Variants in COL6A1 observed in about 807,000 individuals in gnomAD.
The protein encoded by COL6A1 is collagen alpha-1(VI) chain.
In COL6A1, 80 loss-of-function variants were observed where a neutral mutation model predicts 145.6. The ratio of observed to expected loss-of-function variants is 0.55; its 90% CI spans 0.46 to 0.66. The LOEUF (loss-of-function observed/expected upper bound fraction) is 0.66. Among genes scored for constraint, COL6A1 ranks in the 30% least tolerant of loss-of-function variants. COL6A1 has a pLI of 0.00. For missense variants in COL6A1, 1,364 were observed against 1,473.8 expected (o/e 0.93, Z 1.22); for synonymous variants, 638 against 622.8 (o/e 1.02, Z -0.36).
intron 8 of COL6A1, 74 bp from the exon 9 acceptor site, chr21:45,989,010 A>G: frequency 6.4e-7 from 1 of 1,565,630 alleles, no homozygotes; most frequent in East Asian, 2.3e-5. Context: ...GCGTCTTTTT[A>G]AAAACCTGTT....
At chr21:45,984,967 G>A (rs778317038) in intron 3 of COL6A1, among the ~76,000 whole-genome samples, 26 of 151,634 alleles carry the variant, frequency 1.7e-4, no homozygotes, top group African/African-American at 2.4e-4. Flanking sequence ...GAGACAGAAA[G>A]AGAGAGAGAC....
chr21:46,000,509 C>T (rs2077837294), intron 28 of COL6A1, 142 bp downstream of exon 28: 1 of 1,188,874 alleles, frequency 8.4e-7, no homozygotes, highest in Non-Finnish European at 1.2e-6. Flanking sequence ...CCAGCCCCTA[C>T]CGGCCTCCAA....
At chr21:45,986,723 C>T (rs1356101785) in intron 4 of COL6A1, 38 bp downstream of exon 4, 5 of 1,538,698 alleles carry the variant, frequency 3.2e-6, no homozygotes, top group Non-Finnish European at 3.5e-6. Flanking sequence ...CCCCCAACCA[C>T]AGGGAGTGGC....
Position 46,001,635 on chromosome 21 carries a change from C to G in COL6A1, c.1956+249C>G, listed in dbSNP as rs528899352. On this transcript the variant is annotated intron_variant, in intron 30 of 34. Transcript: ENST00000361866. ...CCCCCTCTCCTTGAAGGGCGGTAGT[C>G]TGGGGTCCTGAGTGCTGGGTGTGGG... 2.6e-5 allele frequency among the ~76,000 whole-genome samples: 4 copies of G among 152,350 alleles called. No homozygotes were observed. The East Asian group carries it at 7.7e-4, about 29-fold the overall frequency.
intron 20 of COL6A1, among the ~76,000 whole-genome samples, chr21:45,997,172 C>G: frequency 7.8e-6 from 1 of 128,818 alleles, no homozygotes; most frequent in Non-Finnish European, 1.8e-5. Context: ...AGAGGCTTCA[C>G]CCCTCCGTGG....
intron 6 of COL6A1, 79 bp from the exon 7 acceptor site, chr21:45,987,420 T>C: frequency 6.3e-7 from 1 of 1,595,770 alleles, no homozygotes; most frequent in South Asian, 1.1e-5. Context: ...CCCATGTGCC[T>C]GGGTCGCATG....
At position 46,003,381 on chromosome 21, in the gene COL6A1, C is replaced by A; in HGVS notation, c.2465-10C>A. 3.8e-6 allele frequency: 6 copies of A among 1,599,984 alleles called. No homozygotes were observed. The highest frequency in any genetic ancestry group is 5.1e-6 in the Non-Finnish European group (6 of 1,179,668). On this transcript the variant is annotated splice_polypyrimidine_tract_variant and intron_variant, in intron 34 of 34. Coordinates refer to ENST00000361866, the MANE Select transcript of COL6A1 (RefSeq NM_001848.3). ...GCCTCATGCTAACGGCTGCCCACCCCGCCCCGCAGTCACGTTCTCCTCCCC... is the reference window on the plus strand; with the variant it reads ...GCCTCATGCTAACGGCTGCCCACCCAGCCCCGCAGTCACGTTCTCCTCCCC...
Position 45,987,601 on chromosome 21 carries a change from G to A in COL6A1, c.760-9G>A. On this transcript the variant is annotated splice_polypyrimidine_tract_variant and intron_variant, in intron 7 of 34. Coordinates refer to ENST00000361866, the MANE Select transcript of COL6A1 (RefSeq NM_001848.3). ...GGGGTCCTGGCTGACCGTCCCCTCT[G>A]CCTTGCAGCCTGCAAGAGGACCTCC... 1.2e-6 allele frequency: 2 copies of A among 1,612,314 alleles called. No homozygotes were observed. Among genetic ancestry groups the A allele is most frequent in the Non-Finnish European group, 8.5e-7 (1 of 1,179,870 alleles).
At chr21:45,983,472 A>G (rs1302711231) in intron 2 of COL6A1, among the ~76,000 whole-genome samples, 1 of 151,364 alleles carries the variant, frequency 6.6e-6, no homozygotes, top group Non-Finnish European at 1.5e-5. Context: ...CGGCGTAGGA[A>G]CCCCCGTCCT....
chr21:46,000,882 C>T (rs1010531581), intron 29 of COL6A1, 115 bp downstream of exon 29: 1 of 1,329,146 alleles, frequency 7.5e-7, no homozygotes, highest in East Asian at 2.3e-5. Context: ...GCCCGCAGCT[C>T]CCTGCACCTG....
rs1471715080 is a variant in COL6A1, at chr21:46,003,733, A to G, written c.2807A>G (p.Lys936Arg). The G allele has an allele frequency of 1.2e-6, 2 of 1,612,824 alleles. No homozygotes were observed. The highest frequency in any genetic ancestry group is 1.7e-5 in the Admixed American group (1 of 59,990). ...CGCGAGGCCTCGTCCGGCGCTGCCA[A>G]GAAGAGGCTGCTGCTCTTCTCAGAT... is the stretch of plus-strand genomic sequence containing the variant. The part of the protein sequence containing the change: ...FYREASSGAA[K>R]KRLLLFSDGN... The change falls in exon 35 of 35, where the codon AAG becomes AGG. Residue 936 changes from lysine (K) to arginine (R), a missense_variant. Lys to Arg is a conservative substitution (Grantham distance 26, BLOSUM62 2). Coordinates refer to ENST00000361866, the MANE Select transcript of COL6A1 (RefSeq NM_001848.3).
At position 45,994,294 on chromosome 21, in the gene COL6A1, G is replaced by A. The variant is rs2077792971; in HGVS notation, c.1398+65G>A. On this transcript the variant is annotated intron_variant, in intron 20 of 34. Transcript: ENST00000361866. The surrounding 1 kb of genome is among the most constrained non-coding windows in gnomAD (Gnocchi z 6.8). ...GGGTTTTGGGGGTAGAAGTGCTCCA[G>A]CAGCTCACGCACTGGGGGTCTGTTC... 1 of 1,436,430 alleles carries A rather than the reference G, an allele frequency of 7.0e-7. No individual in the cohort carries two copies. The highest frequency in any genetic ancestry group is 1.2e-5 in the South Asian group (1 of 82,590). The allele number at this position is 1,436,430 out of a possible 1,614,324, so 89.0% of individuals were successfully genotyped here. A position where few individuals can be genotyped will look rare whatever the true frequency, so the allele number is the denominator to read the frequency against.
chr21:45,999,916 G>A (rs879001385), intron 27 of COL6A1, among the ~76,000 whole-genome samples: 9 of 77,324 alleles, frequency 1.2e-4, no homozygotes, highest in Non-Finnish European at 1.5e-4. Context: ...TGAGGATCAT[G>A]GGGGACATGT....
rs761839666 is a variant in COL6A1 at position 45,984,466 on chromosome 21, TG to T, written c.428+1del. 8 of 1,609,220 alleles carry T rather than the reference TG, an allele frequency of 5.0e-6. No individual in the cohort carries two copies. The highest frequency in any genetic ancestry group is 1.1e-5 in the South Asian group (1 of 91,074). The part of the protein sequence containing the change: ...AIKKGLEQLL[V>X]GGSHLKENKY... ...AAGAAGGGGCTGGAGCAGCTCCTCGTGGGGTGAGTGGCCCCCAGCCTCCTGC... is the reference window on the plus strand; with the variant it reads ...AAGAAGGGGCTGGAGCAGCTCCTCGTGGGTGAGTGGCCCCCAGCCTCCTGC... On this transcript the variant is annotated frameshift_variant and splice_region_variant, in exon 3 of 35. Coordinates refer to ENST00000361866, the MANE Select transcript of COL6A1 (RefSeq NM_001848.3). LOFTEE classifies it high-confidence loss of function.
At chr21:45,993,397 G>A (rs778910116) in intron 19 of COL6A1, among the ~76,000 whole-genome samples, 3 of 152,230 alleles carry the variant, frequency 2.0e-5, no homozygotes, top group Non-Finnish European at 4.4e-5. Context: ...GACTCCGGGC[G>A]TCTCAGTCCC....
At chr21:45,983,550 G>A (rs2077720425) in intron 2 of COL6A1, among the ~76,000 whole-genome samples, 2 of 152,150 alleles carry the variant, frequency 1.3e-5, no homozygotes, top group African/African-American at 4.8e-5. Flanking sequence ...GTCAGAGGCT[G>A]CCGGTAACAG....
At chr21:46,001,478 G>T in intron 30 of COL6A1, 92 bp downstream of exon 30, 1 of 1,515,162 alleles carries the variant, frequency 6.6e-7, no homozygotes, top group Admixed American at 1.7e-5. Context: ...GCCTCCCGAG[G>T]CCACCGCTGC....
rs527879631 is a variant in COL6A1 at position 45,997,862 on chromosome 21, C to T, written c.1524+100C>T. 324 of 1,375,950 alleles carry T rather than the reference C, an allele frequency of 2.4e-4. 1 individual carries two copies. In the African/African-American group the frequency reaches 3.5e-3, roughly 15 times the overall value. The allele number at this position is 1,375,950 out of a possible 1,614,324, so 85.2% of individuals were successfully genotyped here. On this transcript the variant is annotated intron_variant, in intron 22 of 34. Transcript: ENST00000361866. The stretch of plus-strand genomic sequence containing the variant: ...TGTGGAGCTGCCTGGGGTCCCTGAC[C>T]GGGCCGGGAGTGCCCGCAGCATCAC...
rs117962806 is a variant in COL6A1, at chr21:45,992,335, C to T, written c.1237-28C>T. ...AAATGCAGTGTGTCCACCAGACTAA[C>T]GCCGGCGTCTGTTTCTCTTCATCCC... On this transcript the variant is annotated intron_variant, in intron 17 of 34. Coordinates refer to ENST00000361866, the MANE Select transcript of COL6A1 (RefSeq NM_001848.3). 1.5e-4 allele frequency: 247 copies of T among 1,613,854 alleles called. No individual in the cohort carries two copies. The East Asian group carries it at 4.4e-3, about 29-fold the overall frequency.
Sources: allele counts gnomAD v4.1 joint callset (sites outside exome capture counted in the v4.1 genomes callset), GRCh38; gene constraint gnomAD v4.1.1; non-coding constraint Gnocchi (gnomAD v3.1); transcripts MANE v1.5; gene names NCBI Gene and HGNC (gene_info 2026-07-23, HGNC 2026-07-21).